VPS4A: variants seen among roughly 807,000 people sequenced by gnomAD.
VPS4A encodes vacuolar protein sorting-associated protein 4A.
VPS4A carries 20 observed loss-of-function variants against 52.3 expected under a neutral mutation model. The ratio of observed to expected loss-of-function variants is 0.38; its 90% CI spans 0.27 to 0.56. The LOEUF (loss-of-function observed/expected upper bound fraction) is 0.56. Ranked by LOEUF, VPS4A falls within the 20% of genes least tolerant of loss-of-function variation. The probability of loss-of-function intolerance (pLI) is 0.72; values close to 1 mark genes in which losing one functional copy is unlikely to be tolerated. For missense variants in VPS4A, 419 were observed against 575.9 expected (o/e 0.73, Z 2.79); for synonymous variants, 293 against 227.7 (o/e 1.29, Z -2.58).
intron 10 of VPS4A, chr16:69,323,570 C>G (rs934313193): frequency 2.2e-6 from 1 of 449,104 alleles, no homozygotes; most frequent in African/African-American, 2.0e-5. Context: ...GACGCAGTTG[C>G]AAAGGCAGCG....
chr16:69,319,945 T>C (rs577676855), intron 6 of VPS4A, among the ~76,000 whole-genome samples, 196 bp from the exon 7 acceptor site: 1 of 152,290 alleles, frequency 6.6e-6, no homozygotes, highest in African/African-American at 2.4e-5. Context: ...GCTCTGCGTT[T>C]GGGGCTGACA....
rs1332838548 is a variant in VPS4A at position 69,320,970 on chromosome 16, A to T, written c.852-81A>T. On this transcript the variant is annotated intron_variant, in intron 8 of 10. Coordinates refer to ENST00000254950, the MANE Select transcript of VPS4A (RefSeq NM_013245.3). The surrounding 1 kb of genome is among the most constrained non-coding windows in gnomAD (Gnocchi z 4.2). ...CTGGCCCATGAAATGCGTCCGTTTC[A>T]CTCAAATCTTCGTGCCTCCCCTTCC... is the stretch of plus-strand genomic sequence containing the variant. The T allele has an allele frequency of 3.5e-6, 5 of 1,424,466 alleles. No homozygotes were observed. Among genetic ancestry groups the T allele is most frequent in the Admixed American group, 2.0e-5 (1 of 50,332 alleles). 88.2% of individuals were successfully genotyped at this position (1,424,466 alleles called of 1,614,324 possible). A position where few individuals can be genotyped will look rare whatever the true frequency, so the allele number is the denominator to read the frequency against.
At chr16:69,319,311 T>C (rs1965480937) in intron 5 of VPS4A, 76 bp from the exon 6 acceptor site, 1 of 1,576,408 alleles carries the variant, frequency 6.3e-7, no homozygotes, top group South Asian at 1.2e-5. Context: ...ACTGTATGTA[T>C]GGGACTCGAG....
Position 69,326,717 on chromosome 16 carries a change from T to C in VPS4A, c.*2408T>C, listed in dbSNP as rs924206485. ...ATCATCGATGTTAAACATGCTGACA[T>C]GTGCAGAGGAGTTTCCTCCCTGAAA... On this transcript the variant is annotated 3_prime_UTR_variant, in exon 11 of 11. Transcript: ENST00000254950. 4.6e-5 allele frequency: 7 copies of C among 152,192 alleles called. No homozygotes were observed. The highest frequency in any genetic ancestry group is 7.4e-5 in the Non-Finnish European group (5 of 68,026). 9.4% of individuals were successfully genotyped at this position (152,192 alleles called of 1,614,324 possible).
Position 69,320,227 on chromosome 16 carries a change from G to A in VPS4A, c.707G>A (p.Arg236Gln), listed in dbSNP as rs764817590. ...IDEVDSLCGS[R>Q]NENESEAARR... is the part of the protein sequence containing the mutation. ...GAGGTGGATTCCCTCTGCGGGTCCC[G>A]AAATGAAAATGAGAGTGAGGCCGCC... Residue 236 changes from arginine to glutamine, a missense_variant, in exon 7 of 11, where the codon CGA becomes CAA. By Grantham distance (43) the Arg-to-Gln change is conservative. Around this residue, in one of 3 missense-constraint regions of VPS4A, gnomAD observed 103 missense variants for 210.3 expected, o/e 0.49. Transcript: ENST00000254950. The surrounding 1 kb of genome is among the most constrained non-coding windows in gnomAD (Gnocchi z 4.2). 2 of 1,613,886 alleles carry A rather than the reference G, an allele frequency of 1.2e-6. No homozygotes were observed. The highest frequency in any genetic ancestry group is 1.1e-5 in the South Asian group (1 of 91,092).
chr16:69,319,595 A>G lies in VPS4A; in HGVS notation c.620+52A>G, dbSNP rs368125282. On this transcript the variant is annotated intron_variant, in intron 6 of 10. Transcript: ENST00000254950. The stretch of plus-strand genomic sequence containing the variant: ...GCCAGCAGCCCCGGCACTGCTAGTG[A>G]CCCAGCGGCCCACCCTGTGGAGTCA... 9 of 1,571,010 alleles carry G rather than the reference A, an allele frequency of 5.7e-6. No individual in the cohort carries two copies. In the African/African-American group the frequency reaches 1.1e-4, roughly 19 times the overall value.
intron 5 of VPS4A, 39 bp from the exon 6 acceptor site, chr16:69,319,345 TCCC>T: frequency 6.2e-7 from 1 of 1,608,674 alleles, no homozygotes; most frequent in Non-Finnish European, 8.5e-7. Context: ...CCTATTCCTT[TCCC>T]CAGTCAGGAG....
intron 10 of VPS4A, 76 bp downstream of exon 10, chr16:69,322,776 C>T (rs1315745541): frequency 1.5e-5 from 23 of 1,522,700 alleles, no homozygotes; most frequent in South Asian, 3.9e-5. Flanking sequence ...AGAATAAAAA[C>T]GGTCTTCTCC....
chr16:69,316,090 C>T lies in VPS4A; in HGVS notation c.104C>T (p.Ala35Val), dbSNP rs759795974. The change falls in exon 2 of 11, where the codon GCG becomes GTG. Residue 35 changes from alanine to valine, a missense_variant. Physicochemically the swap from Ala to Val is moderately conservative, Grantham distance 64 (BLOSUM62 0). This residue lies in a region of VPS4A where 131 missense variants were observed against 165.4 expected (regional missense o/e 0.79). Coordinates refer to ENST00000254950, the MANE Select transcript of VPS4A (RefSeq NM_013245.3). ...GAGGCGCTGCGGCTGTACCAGCATG[C>T]GGTGGAGTACTTCCTCCACGCTATC... ...YEEALRLYQH[A>V]VEYFLHAIKY... 8 of 1,613,296 alleles carry T rather than the reference C, an allele frequency of 5.0e-6. No individual in the cohort carries two copies. Among genetic ancestry groups the T allele is most frequent in the East Asian group, 2.2e-5 (1 of 44,884 alleles).
Position 69,322,460 on chromosome 16 carries a change from C to T in VPS4A, c.1072-100C>T, listed in dbSNP as rs1965525010. The T allele has an allele frequency of 6.0e-6, 8 of 1,325,946 alleles. No homozygotes were observed. In the South Asian group the frequency reaches 1.2e-4, roughly 19 times the overall value. The allele number at this position is 1,325,946 out of a possible 1,614,324, so 82.1% of individuals were successfully genotyped here. A position where few individuals can be genotyped will look rare whatever the true frequency, so the allele number is the denominator to read the frequency against. On this transcript the variant is annotated intron_variant, in intron 9 of 10. Coordinates refer to ENST00000254950, the MANE Select transcript of VPS4A (RefSeq NM_013245.3). ...GCCCGTCCTCCTCAGATGCTAGGGA[C>T]CCACAGAGCATTCTCTTTGGGACTT...
In VPS4A at chr16:69,316,281, C is replaced by T. The variant is rs745412761; in HGVS notation, c.190C>T (p.Leu64=). 1.2e-6 allele frequency: 2 copies of T among 1,613,824 alleles called. No homozygotes were observed. Among genetic ancestry groups the T allele is most frequent in the Non-Finnish European group, 1.7e-6 (2 of 1,179,876 alleles). ...CATTCGAGCCAAGTGCGTGCAGTAC[C>T]TAGACCGGGCCGAGAAGCTGAAGGA... is the stretch of plus-strand genomic sequence containing the variant. ...ESIRAKCVQY[L]DRAEKLKDYL... Residue 64 remains leucine (L), a synonymous_variant, in exon 3 of 11, where the codon CTA becomes TTA. Coordinates refer to ENST00000254950, the MANE Select transcript of VPS4A (RefSeq NM_013245.3).
chr16:69,319,272 G>C (rs1429471459), intron 5 of VPS4A, 115 bp from the exon 6 acceptor site: 2 of 1,447,216 alleles, frequency 1.4e-6, no homozygotes, highest in Non-Finnish European at 1.9e-6. Flanking sequence ...TGCCAGTAGA[G>C]TCCGTTGTTT....
intron 1 of VPS4A, 98 bp downstream of exon 1, chr16:69,311,630 C>G: frequency 8.6e-7 from 1 of 1,165,442 alleles, no homozygotes; most frequent in Non-Finnish European, 1.1e-6. Context: ...TGGGCGCCTC[C>G]CAGCCCCGGC....
intron 3 of VPS4A, 142 bp downstream of exon 3, chr16:69,316,514 G>T (rs1413738995): frequency 6.9e-6 from 8 of 1,157,226 alleles, no homozygotes; most frequent in Non-Finnish European, 9.8e-6. Flanking sequence ...TGCTTTCAGG[G>T]AGCATGGCCT....
chr16:69,319,066 C>A, intron 5 of VPS4A, 124 bp downstream of exon 5: 1 of 1,392,064 alleles, frequency 7.2e-7, no homozygotes, highest in Non-Finnish European at 9.7e-7. Flanking sequence ...CCAGGCCTGG[C>A]TGCTCGCTGG....
chr16:69,313,701 C>A (rs928446629), intron 1 of VPS4A, among the ~76,000 whole-genome samples: 1 of 152,132 alleles, frequency 6.6e-6, no homozygotes, highest in African/African-American at 2.4e-5. Flanking sequence ...TCTACAGCTG[C>A]TTTTGTGCCA....
intron 10 of VPS4A, 110 bp from the exon 11 acceptor site, chr16:69,324,098 G>A: frequency 9.4e-7 from 1 of 1,068,968 alleles, no homozygotes; most frequent in Non-Finnish European, 1.4e-6. Context: ...CTCTGGGGTG[G>A]CCTTGAAGGC....
At position 69,324,493 on chromosome 16, in the gene VPS4A, TGCCCTG is replaced by T; in HGVS notation, c.*186_*191del. The stretch of plus-strand genomic sequence containing the variant: ...CCTTGCAGCCACAGAGACACTCCAC[TGCCCTG>T]GGGCACACAGTGGACACTGCTCTTC... On this transcript the variant is annotated 3_prime_UTR_variant, in exon 11 of 11. Transcript: ENST00000254950. The T allele has an allele frequency of 1.6e-6, 1 of 629,892 alleles. No individual in the cohort carries two copies. The highest frequency in any genetic ancestry group is 4.2e-4 in the Middle Eastern group (1 of 2,374). The allele number at this position is 629,892 out of a possible 1,614,324, so 39.0% of individuals were successfully genotyped here.
intron 5 of VPS4A, 131 bp from the exon 6 acceptor site, chr16:69,319,256 C>G (rs571396059): frequency 7.5e-7 from 1 of 1,341,738 alleles, no homozygotes; most frequent in East Asian, 2.4e-5. Context: ...GCTCCCATCA[C>G]TTGTTTGCCA....
Sources: gnomAD v4.1 joint callset for allele counts (sites outside exome capture counted in the v4.1 genomes callset) on GRCh38, gnomAD v4.1.1 for gene constraint, gnomAD v4.1.1 regional missense constraint, Gnocchi (gnomAD v3.1) non-coding constraint, MANE v1.5 for transcripts, NCBI Gene and HGNC (gene_info 2026-07-23, HGNC 2026-07-21) for gene names.